TAFA1: variants seen among roughly 807,000 people sequenced by gnomAD.
TAFA1 encodes the protein TAFA chemokine like family member 1.
TAFA1 carries 4 observed loss-of-function variants against 18.5 expected under a neutral mutation model. That is an observed-to-expected ratio of 0.22 (90% confidence interval 0.11 to 0.49). The LOEUF is 0.49. Among genes scored for constraint, TAFA1 ranks in the 20% least tolerant of loss-of-function variants. The probability of loss-of-function intolerance (pLI) is 0.98; values close to 1 mark genes in which losing one functional copy is unlikely to be tolerated. For synonymous variants in TAFA1, 56 were observed against 55.2 expected, an observed-to-expected ratio of 1.01 and a Z score of -0.06; for missense variants, 147 against 169.0, an observed-to-expected ratio of 0.87 and a Z score of 0.72.
chr3:68,062,010 C>CT, intron 2 of TAFA1, among the ~76,000 whole-genome samples: 1 of 151,846 alleles, frequency 6.6e-6, no homozygotes, highest in East Asian at 1.9e-4. Flanking sequence ...TCAATGCTTC[C>CT]AAAAAACATA....
rs185361529 is a variant in TAFA1 at position 68,180,293 on chromosome 3, G to T, written c.118+173549G>T. Among the ~76,000 whole-genome samples, 1,165 of 151,868 alleles carry T rather than the reference G, an allele frequency of 7.7e-3. 10 individuals are homozygous for T. Among genetic ancestry groups the T allele is most frequent in the Non-Finnish European group, 9.7e-3 (656 of 67,952 alleles). The stretch of plus-strand genomic sequence containing the variant: ...GACCTCAGGTTATCCACCTGCTTTG[G>T]CCACTCAGAGTGCTAGGATTACAAG... On this transcript the variant is annotated intron_variant, in intron 2 of 4. Transcript: ENST00000478136.
In TAFA1 at chr3:68,153,338, T is replaced by C. The variant is rs150674673; in HGVS notation, c.118+146594T>C. Among the ~76,000 whole-genome samples the C allele has an allele frequency of 2.0e-5, 3 of 152,310 alleles. No individual in the cohort carries two copies. The East Asian group carries it at 5.8e-4, about 29-fold the overall frequency. The stretch of plus-strand genomic sequence containing the variant: ...TCACTGAAATGAATAAAGTTGTTTA[T>C]GACAGGTCACAGGACACTTTCAAGG... On this transcript the variant is annotated intron_variant, in intron 2 of 4. Coordinates refer to ENST00000478136, the MANE Select transcript of TAFA1 (RefSeq NM_213609.4).
the TAFA1 span, among the ~76,000 whole-genome samples, chr3:67,999,208 T>A: frequency 6.6e-6 from 1 of 151,920 alleles, no homozygotes; most frequent in Admixed American, 6.6e-5. Flanking sequence ...ATAGAGAACA[T>A]CTTCCACACT....
intron 3 of TAFA1, among the ~76,000 whole-genome samples, chr3:68,437,891 A>G (rs911334626): frequency 6.6e-6 from 1 of 152,052 alleles, no homozygotes; most frequent in African/African-American, 2.4e-5. Context: ...TCTAGCACCA[A>G]CTCAAAAGTC....
chr3:68,199,724 C>A (rs1170509996), intron 2 of TAFA1, among the ~76,000 whole-genome samples: 2 of 151,362 alleles, frequency 1.3e-5, no homozygotes, highest in Non-Finnish European at 3.0e-5. Context: ...TTCTATAATC[C>A]CTTATTAATT....
At chr3:68,106,980 A>C (rs534696163) in intron 2 of TAFA1, among the ~76,000 whole-genome samples, 2 of 152,164 alleles carry the variant, frequency 1.3e-5, no homozygotes, top group Non-Finnish European at 2.9e-5. Flanking sequence ...CATTGTTGGT[A>C]GGAATGCAAA....
chr3:68,366,859 G>C (rs944633506), intron 2 of TAFA1, among the ~76,000 whole-genome samples: 2 of 152,142 alleles, frequency 1.3e-5, no homozygotes, highest in East Asian at 1.9e-4. Flanking sequence ...GCAAGATTTA[G>C]AATGAAAAAC....
intron 2 of TAFA1, among the ~76,000 whole-genome samples, chr3:68,318,564 A>C (rs1005343116): frequency 6.6e-6 from 1 of 152,142 alleles, no homozygotes; most frequent in Non-Finnish European, 1.5e-5. Flanking sequence ...ACCAGAATCC[A>C]GCTCTCCTGA....
chr3:68,024,850 G>T (rs554799548), intron 2 of TAFA1, among the ~76,000 whole-genome samples: 2 of 114,160 alleles, frequency 1.8e-5, no homozygotes, highest in Non-Finnish European at 4.0e-5. Context: ...CATTGTTAAG[G>T]TATTTAACAA....
At chr3:68,396,206 A>G (rs1427073567) in intron 2 of TAFA1, among the ~76,000 whole-genome samples, 2 of 152,150 alleles carry the variant, frequency 1.3e-5, no homozygotes, top group Non-Finnish European at 2.9e-5. Context: ...TGTTTGCTTC[A>G]TTTTAAGACA....
chr3:68,394,715 A>G lies in TAFA1; in HGVS notation c.119-22565A>G, dbSNP rs141156019. Among the ~76,000 whole-genome samples, 539 of 152,332 alleles carry G rather than the reference A, an allele frequency of 3.5e-3. 1 individual carries two copies. The highest frequency in any genetic ancestry group is 5.8e-3 in the Admixed American group (89 of 15,302). ...CAATGGGGAAAGGATTCCCCATTTA[A>G]TAAATGGTGTTGGGAAAACTGGCTA... On this transcript the variant is annotated intron_variant, in intron 2 of 4. Coordinates refer to ENST00000478136, the MANE Select transcript of TAFA1 (RefSeq NM_213609.4).
At chr3:68,118,642 C>T (rs1399022571) in intron 2 of TAFA1, among the ~76,000 whole-genome samples, 1 of 152,156 alleles carries the variant, frequency 6.6e-6, no homozygotes, top group African/African-American at 2.4e-5. Flanking sequence ...TTTTTTGTGA[C>T]TGACTTATTT....
At chr3:68,012,834 A>G (rs1575573321) in intron 2 of TAFA1, among the ~76,000 whole-genome samples, 1 of 152,190 alleles carries the variant, frequency 6.6e-6, no homozygotes, top group East Asian at 1.9e-4. Context: ...AATCCAGTAA[A>G]ATGTCTAGGC....
chr3:68,283,558 A>G (rs2067941244), intron 2 of TAFA1, among the ~76,000 whole-genome samples: 1 of 152,220 alleles, frequency 6.6e-6, no homozygotes. Context: ...GAGCGCTTCT[A>G]AATGCCTCTA....
intron 3 of TAFA1, among the ~76,000 whole-genome samples, chr3:68,508,953 A>C (rs2072806590): frequency 6.6e-6 from 1 of 152,020 alleles, no homozygotes; most frequent in Non-Finnish European, 1.5e-5. Context: ...CAAAGATAGC[A>C]TCATGGTGTG....
upstream of TAFA1, among the ~76,000 whole-genome samples, chr3:67,999,497 A>G (rs745939836): frequency 2.1e-4 from 32 of 152,172 alleles, no homozygotes; most frequent in Non-Finnish European, 2.9e-4. Flanking sequence ...GGTCTCTTCT[A>G]GGTCCAATAT....
At chr3:68,461,180 G>A (rs1471950032) in intron 3 of TAFA1, among the ~76,000 whole-genome samples, 1 of 151,748 alleles carries the variant, frequency 6.6e-6, no homozygotes, top group African/African-American at 2.4e-5. Context: ...TACTCAGGAG[G>A]CTGAGGCATG....
In TAFA1 at chr3:68,162,478, C is replaced by T. The variant is rs149426590; in HGVS notation, c.118+155734C>T. ...CAGGCAGTCATGCTTACTTGCCTGC[C>T]GCTCACCTCCATGGACCAGTGCCTG... On this transcript the variant is annotated intron_variant, in intron 2 of 4. Transcript: ENST00000478136. Among the ~76,000 whole-genome samples the T allele has an allele frequency of 8.3e-4, 126 of 152,190 alleles. 1 individual carries two copies. The highest frequency in any genetic ancestry group is 1.5e-3 in the Non-Finnish European group (101 of 67,998).
intron 2 of TAFA1, among the ~76,000 whole-genome samples, chr3:68,068,162 C>T (rs997040364): frequency 4.6e-5 from 7 of 152,026 alleles, no homozygotes; most frequent in African/African-American, 1.2e-4. Flanking sequence ...GCACTTTTAA[C>T]TTAAAAAAAG....
Sources: allele counts gnomAD v4.1 joint callset (sites outside exome capture counted in the v4.1 genomes callset), GRCh38; gene constraint gnomAD v4.1.1; transcripts MANE v1.5; gene names NCBI Gene and HGNC (gene_info 2026-07-23, HGNC 2026-07-21).